Variants in CCSER1 observed in about 807,000 individuals in gnomAD.
CCSER1 encodes the protein coiled-coil serine rich protein 1, also known as serine-rich coiled-coil domain-containing protein 1.
In CCSER1, 41 loss-of-function variants were observed where a neutral mutation model predicts 82.0. That is an observed-to-expected ratio of 0.50 (90% CI 0.39 to 0.65). The LOEUF is 0.65. CCSER1 is among the 30% of genes least tolerant of loss of function. The pLI, the probability that CCSER1 is intolerant of heterozygous loss-of-function variation, is 0.00. For missense variants in CCSER1, 1,119 were observed against 1,064.2 expected, an observed-to-expected ratio of 1.05 and a Z score of -0.72; for synonymous variants, 414 against 383.9, an observed-to-expected ratio of 1.08 and a Z score of -0.92.
At chr4:90,293,020 G>C (rs959770443) in intron 1 of CCSER1, among the ~76,000 whole-genome samples, 1 of 151,246 alleles carries the variant, frequency 6.6e-6, no homozygotes, top group African/African-American at 2.4e-5. Flanking sequence ...TCTTCTTTAC[G>C]TTCGTATCTG....
intron 1 of CCSER1, among the ~76,000 whole-genome samples, chr4:90,300,037 A>G (rs1560977558): frequency 6.6e-6 from 1 of 152,062 alleles, no homozygotes. Context: ...TAGTGTGGTC[A>G]TTAAGGCTCT....
At chr4:90,837,936 G>T (rs536971033) in intron 8 of CCSER1, among the ~76,000 whole-genome samples, 101 of 152,140 alleles carry the variant, frequency 6.6e-4, no homozygotes, top group Non-Finnish European at 1.3e-3. Flanking sequence ...ATGATATTTG[G>T]TGCTTAGTTT....
chr4:91,116,757 A>G (rs762088765), intron 10 of CCSER1, among the ~76,000 whole-genome samples: 1 of 152,172 alleles, frequency 6.6e-6, no homozygotes, highest in East Asian at 1.9e-4. Flanking sequence ...TCTCCAAGTG[A>G]TAAACAAAAA....
At chr4:91,054,073 G>T (rs553470885) in intron 9 of CCSER1, among the ~76,000 whole-genome samples, 2 of 152,278 alleles carry the variant, frequency 1.3e-5, no homozygotes, top group East Asian at 3.9e-4. Flanking sequence ...TGGGTTATAG[G>T]GGGGCTTGTA....
chr4:91,247,946 A>T (rs1300333451), intron 10 of CCSER1, among the ~76,000 whole-genome samples: 1 of 152,266 alleles, frequency 6.6e-6, no homozygotes, highest in South Asian at 2.1e-4. Context: ...GTCTGATTCT[A>T]AGACTTAGGC....
At chr4:90,396,661 G>T (rs917589414) in intron 3 of CCSER1, among the ~76,000 whole-genome samples, 1 of 151,672 alleles carries the variant, frequency 6.6e-6, no homozygotes, top group Admixed American at 6.6e-5. Flanking sequence ...CATATTGCCA[G>T]AGATTACCTA....
intron 5 of CCSER1, among the ~76,000 whole-genome samples, chr4:90,606,319 A>G (rs1450864387): frequency 1.3e-5 from 2 of 152,206 alleles, no homozygotes; most frequent in Non-Finnish European, 2.9e-5. Context: ...CCTAGATGAT[A>G]TAGACTACTA....
At chr4:91,405,893 C>G (rs1752670919) in intron 10 of CCSER1, among the ~76,000 whole-genome samples, 1 of 152,064 alleles carries the variant, frequency 6.6e-6, no homozygotes, top group African/African-American at 2.4e-5. Context: ...CCAACAAGCC[C>G]CAGTGAGATG....
At chr4:90,722,155 G>C (rs61548330) in intron 6 of CCSER1, among the ~76,000 whole-genome samples, 34,370 of 151,600 alleles carry the variant, frequency 0.23, 4,923 homozygotes, top group African/African-American at 0.4. Flanking sequence ...TCATTGGAAA[G>C]ACTGTGATCC....
At chr4:90,699,435 G>A (rs968159508) in intron 6 of CCSER1, among the ~76,000 whole-genome samples, 1 of 152,128 alleles carries the variant, frequency 6.6e-6, no homozygotes, top group African/African-American at 2.4e-5. Context: ...ATGTTAATGG[G>A]CAGTTGAATC....
At chr4:90,551,704 C>CTATATATATATATATATA (rs1242206717) in intron 5 of CCSER1, among the ~76,000 whole-genome samples, 2 of 107,536 alleles carry the variant, frequency 1.9e-5, no homozygotes, top group Admixed American at 9.4e-5. Flanking sequence ...CTCTCTCTCT[C>CTATATATATATATATATA]TCTATATATA....
At chr4:90,686,999 A>G (rs907153712) in intron 6 of CCSER1, among the ~76,000 whole-genome samples, 1 of 152,190 alleles carries the variant, frequency 6.6e-6, no homozygotes, top group African/African-American at 2.4e-5. Context: ...AGTGCCATGC[A>G]TGAAGGTTCA....
intron 5 of CCSER1, among the ~76,000 whole-genome samples, chr4:90,525,648 T>G (rs908284777): frequency 2.0e-5 from 3 of 152,156 alleles, no homozygotes; most frequent in Non-Finnish European, 4.4e-5. Flanking sequence ...AGACTTTTTT[T>G]GTTCCCTCTG....
chr4:90,547,697 T>C (rs977236261), intron 5 of CCSER1, among the ~76,000 whole-genome samples: 1 of 152,132 alleles, frequency 6.6e-6, no homozygotes, highest in African/African-American at 2.4e-5. Context: ...AAAATACACC[T>C]CTGCTAAATA....
chr4:90,724,100 G>T, intron 7 of CCSER1, 109 bp downstream of exon 7: 1 of 596,358 alleles, frequency 1.7e-6, no homozygotes, highest in Non-Finnish European at 2.8e-6. Flanking sequence ...AATCTTCAAG[G>T]GTCTGATTTC....
At chr4:91,354,405 A>G (rs4475114) in intron 10 of CCSER1, among the ~76,000 whole-genome samples, 3,001 of 152,262 alleles carry the variant, frequency 0.02, 90 homozygotes, top group African/African-American at 0.066. Flanking sequence ...CAGGCAGATT[A>G]GCATAAGCTC....
At chr4:90,989,461 C>G (rs1459534196) in intron 9 of CCSER1, among the ~76,000 whole-genome samples, 1 of 151,718 alleles carries the variant, frequency 6.6e-6, no homozygotes, top group Non-Finnish European at 1.5e-5. Flanking sequence ...CTGTTCATCT[C>G]CACCCAGAGC....
chr4:91,356,413 A>G (rs1354462174), intron 10 of CCSER1, among the ~76,000 whole-genome samples: 1 of 152,168 alleles, frequency 6.6e-6, no homozygotes, highest in South Asian at 2.1e-4. Flanking sequence ...AAATCTTACA[A>G]CTATTTGATT....
At chr4:91,386,778 C>T (rs183167081) in intron 10 of CCSER1, among the ~76,000 whole-genome samples, 1 of 152,098 alleles carries the variant, frequency 6.6e-6, no homozygotes, top group African/African-American at 2.4e-5. Context: ...TTAGCCTTCC[C>T]ACATATATAC....
Sources: gnomAD v4.1 joint callset for allele counts (sites outside exome capture counted in the v4.1 genomes callset) on GRCh38, gnomAD v4.1.1 for gene constraint, MANE v1.5 for transcripts, NCBI Gene and HGNC (gene_info 2026-07-23, HGNC 2026-07-21) for gene names.